CRCP: variants seen among roughly 807,000 people sequenced by gnomAD.
The protein encoded by CRCP is CGRP receptor component.
CRCP carries 18 observed loss-of-function variants against 18.5 expected under a neutral mutation model. The observed-to-expected ratio is 0.97, with a 90% CI of 0.67 to 1.44. CRCP has a LOEUF of 1.44. Ranked by LOEUF, CRCP falls within the 40% of genes most tolerant of loss-of-function variation. The pLI, the probability that CRCP is intolerant of heterozygous loss-of-function variation, is 0.00. For missense variants in CRCP, 130 were observed against 176.4 expected (o/e 0.74, Z 1.49); for synonymous variants, 53 against 62.9 (o/e 0.84, Z 0.75).
Position 66,152,309 on chromosome 7 carries a change from G to A in CRCP, c.399G>A (p.Lys133=), listed in dbSNP as rs771388383. 1.4e-5 allele frequency: 23 copies of A among 1,614,008 alleles called. No individual in the cohort carries two copies. The highest frequency in any genetic ancestry group is 1.9e-5 in the Non-Finnish European group (22 of 1,180,042). Residue 133 remains lysine, a synonymous_variant, in exon 6 of 6, where the codon AAG becomes AAA. Transcript: ENST00000395326. Reference sequence around the variant, plus strand: ...CTGCAGAGCCAGAGGCTGAGCAGAAGAAGAATACAAACAGCAATGTGGCAA... The same window carrying A: ...CTGCAGAGCCAGAGGCTGAGCAGAAAAAGAATACAAACAGCAATGTGGCAA... ...ILPAEPEAEQ[K]KNTNSNVAMD...
intron 4 of CRCP, 21 bp downstream of exon 4, chr7:66,134,395 G>A: frequency 6.7e-7 from 1 of 1,486,140 alleles, no homozygotes; most frequent in Non-Finnish European, 9.3e-7. Flanking sequence ...CTCTTAAGTA[G>A]GAAGAGCGTG....
At chr7:66,123,402 A>G (rs1056718445) in intron 1 of CRCP, among the ~76,000 whole-genome samples, 1 of 152,208 alleles carries the variant, frequency 6.6e-6, no homozygotes, top group Non-Finnish European at 1.5e-5. Context: ...AGAGATCAAC[A>G]GCTTCTACGT....
chr7:66,134,138 G>A (rs539218145), intron 3 of CRCP, 142 bp from the exon 4 acceptor site: 3 of 625,648 alleles, frequency 4.8e-6, no homozygotes, highest in South Asian at 3.3e-5. Context: ...GGGATTACAG[G>A]TGTGAGCCAC....
At position 66,115,231 on chromosome 7, in the gene CRCP, C is replaced by T. The variant is rs555000881; in HGVS notation, c.8+261C>T. ...CGTGTCCGGCTGCCTTTCAATGTGCCCCCTCCTTCTCTCATTCGTTTACCA... is the reference window on the plus strand; with the variant it reads ...CGTGTCCGGCTGCCTTTCAATGTGCTCCCTCCTTCTCTCATTCGTTTACCA... On this transcript the variant is annotated intron_variant, in intron 1 of 5. Transcript: ENST00000395326. Among the ~76,000 whole-genome samples the T allele has an allele frequency of 1.5e-3, 222 of 152,282 alleles. 2 individuals are homozygous for T. The highest frequency in any genetic ancestry group is 3.9e-3 in the Admixed American group (60 of 15,282).
chr7:66,124,442 C>G (rs1264733938), intron 1 of CRCP, among the ~76,000 whole-genome samples: 1 of 152,128 alleles, frequency 6.6e-6, no homozygotes, highest in African/African-American at 2.4e-5. Context: ...CATTTTGATT[C>G]TGATATTTGC....
chr7:66,143,978 C>T (rs1474143873), intron 4 of CRCP, among the ~76,000 whole-genome samples: 1 of 152,162 alleles, frequency 6.6e-6, no homozygotes. Flanking sequence ...TCTGCTTCCC[C>T]CAACACATGG....
chr7:66,127,018 ATTAAC>A (rs1422490752), intron 1 of CRCP, among the ~76,000 whole-genome samples: 4 of 152,234 alleles, frequency 2.6e-5, no homozygotes, highest in African/African-American at 4.8e-5. Context: ...TTAAGGAGTA[ATTAAC>A]TTAACTAAAA....
At chr7:66,123,765 T>TG (rs1045254777) in intron 1 of CRCP, among the ~76,000 whole-genome samples, 1 of 131,780 alleles carries the variant, frequency 7.6e-6, no homozygotes, top group Non-Finnish European at 1.6e-5. Flanking sequence ...AAAAAAAAGG[T>TG]GGGGGGGCCG....
At chr7:66,148,960 A>G (rs746076405) in intron 5 of CRCP, among the ~76,000 whole-genome samples, 19 of 152,224 alleles carry the variant, frequency 1.2e-4, no homozygotes, top group Non-Finnish European at 2.1e-4. Flanking sequence ...CATTGTTGCT[A>G]TCAGATCTTT....
At chr7:66,121,794 A>G (rs142363636) in intron 1 of CRCP, among the ~76,000 whole-genome samples, 211 of 152,278 alleles carry the variant, frequency 1.4e-3, no homozygotes, top group African/African-American at 4.9e-3. Context: ...TTTTTGAGGT[A>G]GTGTCAGGAT....
At position 66,152,754 on chromosome 7, in the gene CRCP, A is replaced by G. The variant is rs1295261094; in HGVS notation, c.*397A>G. The G allele has an allele frequency of 1.1e-5, 2 of 181,812 alleles. No individual in the cohort carries two copies. The highest frequency in any genetic ancestry group is 2.3e-5 in the Non-Finnish European group (2 of 85,498). The allele number at this position is 181,812 out of a possible 1,614,324, so 11.3% of individuals were successfully genotyped here. Reference sequence around the variant, plus strand: ...GGGAACTTACTAAGGGGCCCAGAGCACTGTTGGAAGTCTGGTTAGAGTCCC... The same window carrying G: ...GGGAACTTACTAAGGGGCCCAGAGCGCTGTTGGAAGTCTGGTTAGAGTCCC... On this transcript the variant is annotated 3_prime_UTR_variant, in exon 6 of 6. Transcript: ENST00000395326.
At chr7:66,121,437 T>C (rs1787439112) in intron 1 of CRCP, among the ~76,000 whole-genome samples, 1 of 152,108 alleles carries the variant, frequency 6.6e-6, no homozygotes, top group African/African-American at 2.4e-5. Context: ...CTTGGAAATG[T>C]ATTTTCGTCA....
Position 66,152,516 on chromosome 7 carries a change from T to C in CRCP, c.*159T>C. On this transcript the variant is annotated 3_prime_UTR_variant, in exon 6 of 6. Coordinates refer to ENST00000395326, the MANE Select transcript of CRCP (RefSeq NM_014478.5). Reference sequence around the variant, plus strand: ...ACAAAAATAAGTTAAAAAGAAATATTTGTGCCTTGGGGAGAAGAAACATGG... The same window carrying C: ...ACAAAAATAAGTTAAAAAGAAATATCTGTGCCTTGGGGAGAAGAAACATGG... The C allele has an allele frequency of 1.3e-6, 1 of 772,390 alleles. No homozygotes were observed. Among genetic ancestry groups the C allele is most frequent in the South Asian group, 1.9e-5 (1 of 53,968 alleles). The allele number at this position is 772,390 out of a possible 1,614,324, so 47.8% of individuals were successfully genotyped here.
At chr7:66,140,858 G>A (rs1788115823) in intron 4 of CRCP, among the ~76,000 whole-genome samples, 6 of 152,060 alleles carry the variant, frequency 3.9e-5, no homozygotes, top group Admixed American at 3.9e-4. Flanking sequence ...TGTAAGTATG[G>A]ACAAATACTG....
chr7:66,134,304 C>T lies in CRCP; in HGVS notation c.169C>T (p.Pro57Ser), dbSNP rs756138800. 4.9e-5 allele frequency: 79 copies of T among 1,604,160 alleles called. No individual in the cohort carries two copies. The highest frequency in any genetic ancestry group is 6.4e-5 in the Non-Finnish European group (75 of 1,175,956). Residue 57 changes from proline (P) to serine (S), a missense_variant, in exon 4 of 6, where the codon CCA becomes TCA. Transcript: ENST00000395326. ...YETLKYISKT[P>S]CRHQSPEIVR... ...GACGTTAAAATACATATCAAAAACACCATGCAGGCACCAGAGTCCTGAAAT... is the reference window on the plus strand; with the variant it reads ...GACGTTAAAATACATATCAAAAACATCATGCAGGCACCAGAGTCCTGAAAT...
chr7:66,130,576 A>C (rs1262005200), intron 2 of CRCP, among the ~76,000 whole-genome samples, 168 bp from the exon 3 acceptor site: 3 of 152,206 alleles, frequency 2.0e-5, no homozygotes, highest in African/African-American at 7.2e-5. Context: ...TTAAAAATGT[A>C]ATATGCCTCT....
At chr7:66,137,613 A>C (rs1045448844) in intron 4 of CRCP, among the ~76,000 whole-genome samples, 2 of 152,240 alleles carry the variant, frequency 1.3e-5, no homozygotes, top group African/African-American at 4.8e-5. Flanking sequence ...AGGTTTAGGA[A>C]GTTCAGATTG....
At position 66,114,941 on chromosome 7, in the gene CRCP, A is replaced by G. The variant is rs1466016642; in HGVS notation, c.-22A>G. ...TGAGGTTCTTTGTCTGCTGGCAGCT[A>G]GGGGCGACGAGGCGGGACGTCATGG... On this transcript the variant is annotated 5_prime_UTR_variant, in exon 1 of 6. Transcript: ENST00000395326. 6.2e-7 allele frequency: 1 copy of G among 1,611,670 alleles called. No individual in the cohort carries two copies. The highest frequency in any genetic ancestry group is 1.3e-5 in the African/African-American group (1 of 74,916).
chr7:66,117,514 C>T (rs1190291315), intron 1 of CRCP, among the ~76,000 whole-genome samples: 1 of 152,180 alleles, frequency 6.6e-6, no homozygotes, highest in African/African-American at 2.4e-5. Flanking sequence ...TCCAGTCCAT[C>T]AGTGGTCCTG....
Sources: gnomAD v4.1 joint callset for allele counts (sites outside exome capture counted in the v4.1 genomes callset) on GRCh38, gnomAD v4.1.1 for gene constraint, MANE v1.5 for transcripts, NCBI Gene and HGNC (gene_info 2026-07-23, HGNC 2026-07-21) for gene names.